The following EMCN variants were observed in gnomAD, a reference collection of about 807,000 sequenced individuals.
EMCN encodes the protein endomucin.
A neutral mutation model predicts 38.4 loss-of-function variants in EMCN; 37 were observed. That is an observed-to-expected ratio of 0.96 (90% confidence interval 0.74 to 1.27). The LOEUF (loss-of-function observed/expected upper bound fraction) is 1.27. EMCN is among the 50% of genes most tolerant of loss of function. The pLI, the probability that EMCN is intolerant of heterozygous loss-of-function variation, is 0.00. For missense variants in EMCN, 318 were observed against 302.8 expected, an observed-to-expected ratio of 1.05 and a Z score of -0.37; for synonymous variants, 95 against 100.8, an observed-to-expected ratio of 0.94 and a Z score of 0.35.
At chr4:100,497,194 A>G (rs183198173) in intron 1 of EMCN, among the ~76,000 whole-genome samples, 1 of 151,632 alleles carries the variant, frequency 6.6e-6, no homozygotes, top group East Asian at 1.9e-4. Flanking sequence ...AAGACCTACA[A>G]TAATCTAGCT....
At chr4:100,465,616 A>T (rs1255336506) in intron 3 of EMCN, 77 bp from the exon 4 acceptor site, 1 of 721,758 alleles carries the variant, frequency 1.4e-6, no homozygotes, top group African/African-American at 1.8e-5. Flanking sequence ...TTAATATCCA[A>T]CTAAAACTTG....
At chr4:100,476,431 G>A (rs1016900269) in intron 2 of EMCN, among the ~76,000 whole-genome samples, 5 of 152,034 alleles carry the variant, frequency 3.3e-5, no homozygotes, top group Non-Finnish European at 5.9e-5. Context: ...TTACAGGTGT[G>A]AGCCGCAGCA....
At chr4:100,405,940 G>A (rs1164804713) in intron 11 of EMCN, among the ~76,000 whole-genome samples, 1 of 151,900 alleles carries the variant, frequency 6.6e-6, no homozygotes, top group Non-Finnish European at 1.5e-5. Flanking sequence ...ATTTATTCCT[G>A]GTTCAATCTT....
chr4:100,426,991 C>T (rs1457721320), intron 5 of EMCN, among the ~76,000 whole-genome samples: 1 of 152,054 alleles, frequency 6.6e-6, no homozygotes, highest in Non-Finnish European at 1.5e-5. Flanking sequence ...GTGAGTTTCC[C>T]TCCCCAATTT....
chr4:100,515,434 C>A (rs960456417), intron 1 of EMCN, among the ~76,000 whole-genome samples: 2 of 152,034 alleles, frequency 1.3e-5, no homozygotes, highest in Non-Finnish European at 2.9e-5. Flanking sequence ...ATACCACCAA[C>A]CAAGTAATAA....
At chr4:100,471,710 C>T (rs1728485065) in intron 3 of EMCN, among the ~76,000 whole-genome samples, 1 of 151,758 alleles carries the variant, frequency 6.6e-6, no homozygotes. Context: ...AAGTTTAACA[C>T]CATGTAAAAA....
At chr4:100,436,611 C>T (rs1013953703) in intron 5 of EMCN, among the ~76,000 whole-genome samples, 2 of 152,104 alleles carry the variant, frequency 1.3e-5, no homozygotes, top group African/African-American at 4.8e-5. Context: ...GGAATCAACC[C>T]AAACGTCCAT....
intron 1 of EMCN, chr4:100,487,064 T>C: frequency 1.0e-6 from 1 of 965,520 alleles, no homozygotes; most frequent in Non-Finnish European, 1.2e-6. Context: ...ATTTAATATT[T>C]ATAAATGTAG....
intron 1 of EMCN, among the ~76,000 whole-genome samples, chr4:100,503,820 T>C (rs1578236702): frequency 6.6e-6 from 1 of 152,200 alleles, no homozygotes; most frequent in African/African-American, 2.4e-5. Context: ...AATTATAATA[T>C]TGATTTATTA....
At chr4:100,431,795 A>G (rs1423238686) in intron 5 of EMCN, among the ~76,000 whole-genome samples, 1 of 144,428 alleles carries the variant, frequency 6.9e-6, no homozygotes, top group Admixed American at 6.9e-5. Context: ...CCCTCTATCT[A>G]TTTCTCTCTC....
chr4:100,502,933 A>G (rs1249232123), intron 1 of EMCN, among the ~76,000 whole-genome samples: 2 of 152,174 alleles, frequency 1.3e-5, no homozygotes, highest in East Asian at 3.8e-4. Flanking sequence ...TCAATTTGAT[A>G]TAATAAAAGT....
intron 8 of EMCN, among the ~76,000 whole-genome samples, chr4:100,418,861 G>C (rs753257676): frequency 6.6e-6 from 1 of 152,038 alleles, no homozygotes; most frequent in Admixed American, 6.6e-5. Flanking sequence ...GGGACTGCAG[G>C]TATTTCTTTG....
At chr4:100,458,702 C>A (rs556170830) in intron 4 of EMCN, among the ~76,000 whole-genome samples, 13 of 152,256 alleles carry the variant, frequency 8.5e-5, no homozygotes, top group African/African-American at 3.1e-4. Flanking sequence ...TGTATTCCAA[C>A]AACAAACATA....
At chr4:100,458,452 A>G (rs1728079160) in intron 4 of EMCN, among the ~76,000 whole-genome samples, 1 of 152,218 alleles carries the variant, frequency 6.6e-6, no homozygotes, top group South Asian at 2.1e-4. Context: ...CAAAATGCAT[A>G]CAACCTTAAA....
At chr4:100,407,415 G>A (rs971146404) in intron 11 of EMCN, among the ~76,000 whole-genome samples, 2 of 152,154 alleles carry the variant, frequency 1.3e-5, no homozygotes, top group Non-Finnish European at 2.9e-5. Context: ...AGCAGGTCTG[G>A]TGGTAATGAA....
intron 5 of EMCN, among the ~76,000 whole-genome samples, chr4:100,442,044 TGAA>T: frequency 6.6e-6 from 1 of 152,322 alleles, no homozygotes; most frequent in East Asian, 1.9e-4. Context: ...GATTCCCATT[TGAA>T]GAACTCCTTT....
intron 8 of EMCN, 35 bp downstream of exon 8, chr4:100,421,247 C>A: frequency 6.4e-7 from 1 of 1,558,760 alleles, no homozygotes. Context: ...ATTCATTCTT[C>A]TTTCAGGAAA....
chr4:100,431,555 C>G (rs1040312419), intron 5 of EMCN, among the ~76,000 whole-genome samples: 1 of 152,268 alleles, frequency 6.6e-6, no homozygotes, highest in East Asian at 1.9e-4. Context: ...AACTGAAACA[C>G]TGGCTCTTCT....
intron 5 of EMCN, among the ~76,000 whole-genome samples, chr4:100,430,020 C>A (rs570870640): frequency 5.3e-5 from 8 of 152,206 alleles, no homozygotes; most frequent in African/African-American, 1.7e-4. Context: ...TCAATAAAAT[C>A]TATTCTTAGC....
Sources: allele counts gnomAD v4.1 joint callset (sites outside exome capture counted in the v4.1 genomes callset), GRCh38; gene constraint gnomAD v4.1.1; transcripts MANE v1.5; gene names NCBI Gene and HGNC (gene_info 2026-07-23, HGNC 2026-07-21).